The following KIAA1217 variants were observed in gnomAD, a reference collection of about 807,000 sequenced individuals.
The protein encoded by KIAA1217 is KIAA1217, also known as sickle tail protein homolog.
A neutral mutation model predicts 163.9 loss-of-function variants in KIAA1217; 88 were observed. The observed-to-expected ratio is 0.54, with a 90% CI of 0.45 to 0.64. The LOEUF is 0.64. Among genes scored for constraint, KIAA1217 ranks in the 30% least tolerant of loss-of-function variants. The pLI, the probability that KIAA1217 is intolerant of heterozygous loss-of-function variation, is 0.00. For missense variants in KIAA1217, 2,372 were observed against 2,475.0 expected, an observed-to-expected ratio of 0.96 and a Z score of 0.88; for synonymous variants, 903 against 923.1, an observed-to-expected ratio of 0.98 and a Z score of 0.39.
intron 2 of KIAA1217, among the ~76,000 whole-genome samples, chr10:24,153,618 T>G (rs1294663748): frequency 6.6e-6 from 1 of 152,230 alleles, no homozygotes; most frequent in Admixed American, 6.5e-5. Context: ...TGAATTCCAC[T>G]GACCTGTATA....
At chr10:23,867,264 G>A (rs1291825286) in intron 1 of KIAA1217, among the ~76,000 whole-genome samples, 1 of 151,924 alleles carries the variant, frequency 6.6e-6, no homozygotes, top group Admixed American at 6.6e-5. Context: ...TGGACATTTG[G>A]GTTGGTTCCA....
At chr10:23,859,238 C>T (rs949834242) in intron 1 of KIAA1217, among the ~76,000 whole-genome samples, 4 of 152,154 alleles carry the variant, frequency 2.6e-5, no homozygotes, top group Admixed American at 2.6e-4. Context: ...GGATTGGGAA[C>T]CTCTGGACTA....
intron 1 of KIAA1217, among the ~76,000 whole-genome samples, chr10:23,898,692 C>G (rs1216078833): frequency 1.3e-5 from 2 of 151,806 alleles, no homozygotes; most frequent in Non-Finnish European, 2.9e-5. Context: ...CCAATCTCCA[C>G]AACTTTTTTA....
In KIAA1217 at chr10:24,084,931, TG is replaced by T. The variant is rs755332238; in HGVS notation, c.-171+77558del. Among the ~76,000 whole-genome samples the T allele has an allele frequency of 6.3e-3, 882 of 140,974 alleles. 6 individuals carry two copies. Among genetic ancestry groups the T allele is most frequent in the Non-Finnish European group, 9.9e-3 (655 of 66,286 alleles). The allele number at this position is 140,974 out of a possible 152,430, so 92.5% of individuals were successfully genotyped here. A position where few individuals can be genotyped will look rare whatever the true frequency, so the allele number is the denominator to read the frequency against. On this transcript the variant is annotated intron_variant, in intron 2 of 18. Coordinates refer to the KIAA1217 transcript ENST00000376462. ...TTTACTTTTTTTTTTTTTTTTTTTT[TG>T]AGACGGAGTCTCGCTCTGTCGCCCA...
intron 2 of KIAA1217, among the ~76,000 whole-genome samples, chr10:24,065,157 A>C (rs1430248134): frequency 6.6e-6 from 1 of 151,770 alleles, no homozygotes. Context: ...TTCCGCTCTG[A>C]TCTTAGTTAT....
chr10:24,448,219 T>C (rs1346673234), intron 5 of KIAA1217, among the ~76,000 whole-genome samples: 1 of 151,534 alleles, frequency 6.6e-6, no homozygotes, highest in Admixed American at 6.6e-5. Flanking sequence ...TCATCAGAAA[T>C]ACACAGTTAT....
intron 2 of KIAA1217, among the ~76,000 whole-genome samples, chr10:24,085,021 C>T (rs931272441): frequency 2.7e-5 from 4 of 149,434 alleles, no homozygotes; most frequent in African/African-American, 9.9e-5. Flanking sequence ...TCACGCCATT[C>T]TCCTGCCTCA....
At chr10:24,234,116 A>C (rs1484304806) in intron 2 of KIAA1217, among the ~76,000 whole-genome samples, 1 of 152,120 alleles carries the variant, frequency 6.6e-6, no homozygotes, top group Non-Finnish European at 1.5e-5. Flanking sequence ...AGTATCCCTA[A>C]TCTGAAAATC....
chr10:24,260,547 C>A (rs897775746), intron 2 of KIAA1217, among the ~76,000 whole-genome samples: 1 of 138,578 alleles, frequency 7.2e-6, no homozygotes, highest in Non-Finnish European at 1.5e-5. Flanking sequence ...TCCAGAAGCT[C>A]GAGACGATCC....
chr10:24,039,717 T>C (rs1848546864), intron 2 of KIAA1217, among the ~76,000 whole-genome samples: 1 of 152,190 alleles, frequency 6.6e-6, no homozygotes, highest in South Asian at 2.1e-4. Context: ...TATATACATA[T>C]GTATGCATAC....
At chr10:24,113,403 C>T (rs1238813689) in intron 2 of KIAA1217, among the ~76,000 whole-genome samples, 1 of 152,162 alleles carries the variant, frequency 6.6e-6, no homozygotes, top group Non-Finnish European at 1.5e-5. Context: ...CTACTAAATT[C>T]TGCCACCTCA....
chr10:24,366,410 A>T (rs2050790567), intron 2 of KIAA1217, among the ~76,000 whole-genome samples: 1 of 152,154 alleles, frequency 6.6e-6, no homozygotes, highest in African/African-American at 2.4e-5. Flanking sequence ...ACGCCACTGC[A>T]CTCCAGCCTG....
intron 2 of KIAA1217, among the ~76,000 whole-genome samples, chr10:24,086,739 A>T (rs2131671136): frequency 6.6e-6 from 1 of 152,292 alleles, no homozygotes; most frequent in South Asian, 2.1e-4. Flanking sequence ...TAGCAATAAA[A>T]ATAGAAGTTT....
intron 2 of KIAA1217, among the ~76,000 whole-genome samples, chr10:24,176,174 G>A (rs948567700): frequency 5.9e-5 from 9 of 152,190 alleles, no homozygotes; most frequent in Non-Finnish European, 1.3e-4. Flanking sequence ...CTCTGAGCTA[G>A]ACACAGAGTG....
chr10:23,791,874 T>C (rs1483716972), intron 1 of KIAA1217, among the ~76,000 whole-genome samples: 3 of 152,232 alleles, frequency 2.0e-5, no homozygotes, highest in Non-Finnish European at 4.4e-5. Flanking sequence ...AGAAGTGATT[T>C]TTTTTCTCTG....
Position 23,789,975 on chromosome 10 carries a change from A to ATG in KIAA1217, c.-321+94742_-321+94743insGT, listed in dbSNP as rs1254697461. Among the ~76,000 whole-genome samples the ATG allele has an allele frequency of 4.7e-5, 6 of 127,616 alleles. 2 individuals are homozygous for ATG. The highest frequency in any genetic ancestry group is 3.3e-4 in the Admixed American group (4 of 12,268). The allele number at this position is 127,616 out of a possible 152,430, so 83.7% of individuals were successfully genotyped here. ...TGTATATATACACATATACATATACATATATACACATATACATATACACAT... is the reference window on the plus strand; with the variant it reads ...TGTATATATACACATATACATATACATGTATATACACATATACATATACACAT... On this transcript the variant is annotated intron_variant, in intron 1 of 18. Transcript: ENST00000376462.
At chr10:24,239,092 G>C (rs917798066) in intron 2 of KIAA1217, 2 of 890,164 alleles carry the variant, frequency 2.2e-6, no homozygotes, top group African/African-American at 3.6e-5. Context: ...ATGCTTGAAA[G>C]AGCATGTCAA....
intron 2 of KIAA1217, 44 bp downstream of exon 2, chr10:24,219,953 A>G: frequency 6.6e-7 from 1 of 1,524,054 alleles, no homozygotes; most frequent in Non-Finnish European, 8.8e-7. Context: ...TCGCTCTCTA[A>G]TGAACATCGA....
chr10:23,802,130 G>T (rs1337489921), intron 1 of KIAA1217, among the ~76,000 whole-genome samples: 1 of 152,126 alleles, frequency 6.6e-6, no homozygotes, highest in African/African-American at 2.4e-5. Flanking sequence ...GGGTATAGAT[G>T]TGCTAGGTTT....
Sources: allele counts gnomAD v4.1 joint callset (sites outside exome capture counted in the v4.1 genomes callset), GRCh38; gene constraint gnomAD v4.1.1; transcripts MANE v1.5; gene names NCBI Gene and HGNC (gene_info 2026-07-23, HGNC 2026-07-21).